Variants in FBXO15 observed in about 807,000 individuals in gnomAD.
FBXO15 encodes the protein F-box protein 15.
In FBXO15, 30 loss-of-function variants were observed where a neutral mutation model predicts 49.5. The observed-to-expected ratio is 0.61, with a 90% CI of 0.45 to 0.82. The LOEUF (loss-of-function observed/expected upper bound fraction) is 0.82. Among genes scored for constraint, FBXO15 ranks in the 40% least tolerant of loss-of-function variants. The pLI is 0.00. For synonymous variants in FBXO15, 250 were observed against 232.7 expected (o/e 1.07, Z -0.68); for missense variants, 591 against 631.5 (o/e 0.94, Z 0.69).
intron 1 of FBXO15, chr18:74,140,705 A>T (rs983291352): frequency 3.5e-5 from 7 of 198,522 alleles, no homozygotes; most frequent in Non-Finnish European, 5.1e-5. Flanking sequence ...TGGTAAGGAA[A>T]CCTCAAGACC....
intron 9 of FBXO15, among the ~76,000 whole-genome samples, chr18:74,076,005 C>G (rs541115009): frequency 1.3e-5 from 2 of 152,176 alleles, no homozygotes; most frequent in Non-Finnish European, 2.9e-5. Context: ...AACGGTCCCT[C>G]AAGTCCAGCA....
Position 74,073,550 on chromosome 18 carries a change from T to G in FBXO15, c.1444A>C (p.Ile482Leu), listed in dbSNP as rs966176813. ...ATAAGGTATTCTTCGGTCTCTCTGA[T>G]CCACACCAGCTCCACGTGCACTCTT... ...EGRVHVELVW[I>L]RETEEYLIVN... The change falls in exon 10 of 10, where the codon ATC (isoleucine) becomes CTC (leucine). Residue 482 changes from isoleucine (I) to leucine (L), a missense_variant. Coordinates refer to ENST00000419743, the MANE Select transcript of FBXO15 (RefSeq NM_001142958.2). 1.9e-6 allele frequency: 3 copies of G among 1,614,228 alleles called. No homozygotes were observed. The highest frequency in any genetic ancestry group is 2.5e-6 in the Non-Finnish European group (3 of 1,180,044).
At chr18:74,119,812 G>A (rs1027345170) in intron 8 of FBXO15, among the ~76,000 whole-genome samples, 32 of 152,300 alleles carry the variant, frequency 2.1e-4, no homozygotes, top group African/African-American at 7.7e-4. Context: ...GGGGGAGGCA[G>A]AGTGGGGACA....
At chr18:74,089,747 T>C (rs958339406) in intron 8 of FBXO15, among the ~76,000 whole-genome samples, 1 of 152,080 alleles carries the variant, frequency 6.6e-6, no homozygotes, top group Non-Finnish European at 1.5e-5. Context: ...TGAACCAACC[T>C]TGCATCCTGG....
chr18:74,113,989 A>T (rs1422751445), intron 8 of FBXO15, among the ~76,000 whole-genome samples: 1 of 152,196 alleles, frequency 6.6e-6, no homozygotes, highest in Non-Finnish European at 1.5e-5. Context: ...TCTTAGGAAG[A>T]TCTGCTTGCC....
At chr18:74,111,445 AAAGAAATCCC>A (rs1914029789) in intron 8 of FBXO15, among the ~76,000 whole-genome samples, 1 of 152,100 alleles carries the variant, frequency 6.6e-6, no homozygotes, top group Admixed American at 6.5e-5. Flanking sequence ...AGGGGTCAAA[AAAGAAATCCC>A]AAGAAAAAAT....
chr18:74,132,705 G>A (rs1457485015), intron 3 of FBXO15, among the ~76,000 whole-genome samples: 1 of 152,212 alleles, frequency 6.6e-6, no homozygotes, highest in Non-Finnish European at 1.5e-5. Flanking sequence ...CAGATTCGAG[G>A]ACGAGGGCAT....
intron 8 of FBXO15, among the ~76,000 whole-genome samples, chr18:74,106,844 T>C (rs1913790190): frequency 6.6e-6 from 1 of 152,030 alleles, no homozygotes; most frequent in Admixed American, 6.6e-5. Flanking sequence ...ATACTAAATG[T>C]CCAACATTAG....
At chr18:74,081,879 A>T in intron 9 of FBXO15, 48 bp downstream of exon 9, 1 of 1,330,430 alleles carries the variant, frequency 7.5e-7, no homozygotes, top group Non-Finnish European at 1.0e-6. Flanking sequence ...ACTTTTTATT[A>T]TATAGAAATC....
At chr18:74,126,723 C>A (rs997383205) in intron 5 of FBXO15, among the ~76,000 whole-genome samples, 20 of 152,204 alleles carry the variant, frequency 1.3e-4, no homozygotes, top group African/African-American at 4.8e-4. Flanking sequence ...TGGTGCCCAG[C>A]ACCTCAGGCA....
chr18:74,087,180 C>A (rs1331971256), intron 8 of FBXO15, among the ~76,000 whole-genome samples: 2 of 152,200 alleles, frequency 1.3e-5, no homozygotes, highest in African/African-American at 4.8e-5. Context: ...GGTCTTGCCT[C>A]AATGTTGATG....
At chr18:74,086,995 T>C (rs1912769910) in intron 8 of FBXO15, among the ~76,000 whole-genome samples, 1 of 152,182 alleles carries the variant, frequency 6.6e-6, no homozygotes, top group Non-Finnish European at 1.5e-5. Context: ...GTCACATAAA[T>C]TTTCTGGTTT....
intron 1 of FBXO15, among the ~76,000 whole-genome samples, chr18:74,142,775 T>G (rs8086350): frequency 0.088 from 13,343 of 152,208 alleles, 1,077 homozygotes; most frequent in African/African-American, 0.21. Flanking sequence ...CACATCCTGG[T>G]GTTCCAGAAG....
chr18:74,100,244 G>T (rs972550178), intron 8 of FBXO15, among the ~76,000 whole-genome samples: 2 of 152,120 alleles, frequency 1.3e-5, no homozygotes, highest in African/African-American at 2.4e-5. Flanking sequence ...AATAAAAACG[G>T]AAATCAACTC....
At chr18:74,145,901 A>T (rs1403567999) in intron 1 of FBXO15, among the ~76,000 whole-genome samples, 1 of 152,106 alleles carries the variant, frequency 6.6e-6, no homozygotes, top group Non-Finnish European at 1.5e-5. Context: ...CCCGGCCCCA[A>T]TTGCACATTT....
chr18:74,111,604 G>A (rs56112851), intron 8 of FBXO15, among the ~76,000 whole-genome samples: 1 of 151,846 alleles, frequency 6.6e-6, no homozygotes, highest in Non-Finnish European at 1.5e-5. Flanking sequence ...AATCAACAAT[G>A]TAAGCTTTCA....
intron 8 of FBXO15, among the ~76,000 whole-genome samples, chr18:74,105,065 G>A (rs1913689385): frequency 6.6e-6 from 1 of 152,100 alleles, no homozygotes; most frequent in Admixed American, 6.6e-5. Flanking sequence ...TCTAAGAACA[G>A]GAAAACAAAT....
chr18:74,094,431 G>T (rs1599144600), intron 8 of FBXO15, among the ~76,000 whole-genome samples: 1 of 152,194 alleles, frequency 6.6e-6, no homozygotes, highest in East Asian at 1.9e-4. Context: ...AGCTTCCCGA[G>T]GCCTCCTTAA....
At position 74,126,092 on chromosome 18, in the gene FBXO15, C is replaced by G; in HGVS notation, c.795G>C (p.Trp265Cys). The G allele has an allele frequency of 5.6e-6, 9 of 1,613,454 alleles. No homozygotes were observed. Among genetic ancestry groups the G allele is most frequent in the Non-Finnish European group, 7.6e-6 (9 of 1,179,634 alleles). ...YKTPTKHRLR[W>C]HSLIAKYNLS... is the part of the protein sequence containing the mutation. ...GATTGTACTTTGCAATTAAAGAATG[C>G]CATCGGAGTCTTTGAACGTTATGCC... The change falls in exon 6 of 10, where the codon TGG becomes TGC. Residue 265 changes from tryptophan to cysteine, a missense_variant. Physicochemically the swap from Trp to Cys is radical, Grantham distance 215. Coordinates refer to ENST00000419743, the MANE Select transcript of FBXO15 (RefSeq NM_001142958.2).
Sources: allele counts gnomAD v4.1 joint callset (sites outside exome capture counted in the v4.1 genomes callset), GRCh38; gene constraint gnomAD v4.1.1; transcripts MANE v1.5; gene names NCBI Gene and HGNC (gene_info 2026-07-23, HGNC 2026-07-21).